The following GABRG1 variants were observed in gnomAD, a reference collection of about 807,000 sequenced individuals.
GABRG1 encodes gamma-aminobutyric acid type A receptor subunit gamma1.
Under a neutral mutation model 49.8 loss-of-function variants are expected in GABRG1, and 49 were observed. That is an observed-to-expected ratio of 0.98 (90% CI 0.78 to 1.25). The LOEUF (loss-of-function observed/expected upper bound fraction) is 1.25. GABRG1 is among the 50% of genes most tolerant of loss of function. The probability of loss-of-function intolerance (pLI) is 0.00; values close to 1 mark genes in which losing one functional copy is unlikely to be tolerated. For missense variants in GABRG1, 552 were observed against 552.3 expected, an observed-to-expected ratio of 1.00 and a Z score of 0.01; for synonymous variants, 232 against 185.1, an observed-to-expected ratio of 1.25 and a Z score of -2.06.
chr4:46,093,443 A>T (rs1000688762), intron 2 of GABRG1, among the ~76,000 whole-genome samples: 2 of 152,060 alleles, frequency 1.3e-5, no homozygotes, highest in Non-Finnish European at 2.9e-5. Context: ...AATGATGGTT[A>T]CCAGAGGGTA....
intron 2 of GABRG1, among the ~76,000 whole-genome samples, chr4:46,091,374 C>CT (rs1247658987): frequency 6.6e-6 from 1 of 152,026 alleles, no homozygotes; most frequent in Non-Finnish European, 1.5e-5. Context: ...ACCCTACTCG[C>CT]ATTCAACACA....
intron 2 of GABRG1, among the ~76,000 whole-genome samples, chr4:46,089,340 G>T (rs1719895367): frequency 6.6e-6 from 1 of 152,072 alleles, no homozygotes; most frequent in Admixed American, 6.6e-5. Context: ...GCCACTTGAT[G>T]TTACCCCAAA....
intron 5 of GABRG1, among the ~76,000 whole-genome samples, chr4:46,061,584 T>A (rs1319511732): frequency 6.6e-6 from 1 of 151,990 alleles, no homozygotes; most frequent in Non-Finnish European, 1.5e-5. Context: ...TAAAAATACA[T>A]GTGAGGATAT....
intron 1 of GABRG1, among the ~76,000 whole-genome samples, chr4:46,122,979 C>G (rs1043330873): frequency 1.3e-5 from 2 of 151,948 alleles, no homozygotes; most frequent in African/African-American, 2.4e-5. Context: ...TTTTATATGT[C>G]TACCAGAATG....
rs1189178666 is a variant in GABRG1, at chr4:46,051,406, T to C, written c.1131+18A>G. 1 of 1,545,022 alleles carries C rather than the reference T, an allele frequency of 6.5e-7. No homozygotes were observed. Among genetic ancestry groups the C allele is most frequent in the Admixed American group, 1.9e-5 (1 of 51,654 alleles). On this transcript the variant is annotated intron_variant, in intron 8 of 8. Transcript: ENST00000295452. ...TAAGTTGAGGTTTATAAAATAGAAA[T>C]TTTTCTTTTTAACATACCGAGGCTT...
chr4:46,113,132 C>T (rs897683147), intron 1 of GABRG1, among the ~76,000 whole-genome samples: 1 of 151,166 alleles, frequency 6.6e-6, no homozygotes, highest in East Asian at 2.0e-4. Context: ...AATTCCACAC[C>T]TCCTTGCCCG....
intron 1 of GABRG1, among the ~76,000 whole-genome samples, chr4:46,105,805 A>ATAGATAGT (rs1304902653): frequency 6.7e-6 from 1 of 149,512 alleles, no homozygotes; most frequent in Non-Finnish European, 1.5e-5. Flanking sequence ...AGATAGATAG[A>ATAGATAGT]TAGATAGATA....
intron 8 of GABRG1, among the ~76,000 whole-genome samples, chr4:46,051,022 C>T (rs1426172088): frequency 1.3e-5 from 2 of 151,684 alleles, no homozygotes; most frequent in Admixed American, 6.6e-5. Context: ...AAAAAAAGAA[C>T]GTTGTGGTCA....
intron 1 of GABRG1, among the ~76,000 whole-genome samples, chr4:46,111,789 C>G (rs191998178): frequency 3.3e-5 from 5 of 150,984 alleles, no homozygotes; most frequent in Non-Finnish European, 5.9e-5. Flanking sequence ...GCTAGCCATA[C>G]GAAGAAGACT....
chr4:46,094,812 G>T (rs1720114948), intron 2 of GABRG1, among the ~76,000 whole-genome samples: 1 of 151,802 alleles, frequency 6.6e-6, no homozygotes, highest in African/African-American at 2.4e-5. Flanking sequence ...ACATCAATAA[G>T]CTAAGATCTT....
chr4:46,080,736 A>G (rs10032509), intron 3 of GABRG1, among the ~76,000 whole-genome samples: 94,680 of 151,534 alleles, frequency 0.62, 31,272 homozygotes, highest in African/African-American at 0.84. Flanking sequence ...TTTATTTAAT[A>G]TATTCATGCA....
Position 46,040,971 on chromosome 4 carries a change from TGC to T in GABRG1, c.*15_*16del. The T allele has an allele frequency of 6.3e-7, 1 of 1,595,182 alleles. No homozygotes were observed. The highest frequency in any genetic ancestry group is 1.4e-5 in the African/African-American group (1 of 74,026). On this transcript the variant is annotated 3_prime_UTR_variant, in exon 9 of 9. Transcript: ENST00000295452. ...ATTTAGTCAGACTTCTTTTGATTTTTGCTTATGAAGTAGATTTTATAAGTAAA... is the reference window on the plus strand; with the variant it reads ...ATTTAGTCAGACTTCTTTTGATTTTTTTATGAAGTAGATTTTATAAGTAAA...
chr4:46,040,112 T>C lies in GABRG1; in HGVS notation c.*876A>G, dbSNP rs376925767. On this transcript the variant is annotated 3_prime_UTR_variant, in exon 9 of 9. Coordinates refer to ENST00000295452, the MANE Select transcript of GABRG1 (RefSeq NM_173536.4). ...TCCTCAATATTTTTATTTTAGGGAC[T>C]GCAACACTTTCATAAAACATAAAGA... 26 of 152,054 alleles carry C rather than the reference T, an allele frequency of 1.7e-4. No individual in the cohort carries two copies. The highest frequency in any genetic ancestry group is 5.8e-4 in the African/African-American group (24 of 41,566). The allele number at this position is 152,054 out of a possible 1,614,324, so 9.4% of individuals were successfully genotyped here.
Position 46,037,249 on chromosome 4 carries a change from C to G in GABRG1, c.*3739G>C, listed in dbSNP as rs186849352. Reference sequence around the variant, plus strand: ...ATATTTGAATGAGGTTACCTCACTTCCGAAATGCAAACACAAAAAGTCAGA... The same window carrying G: ...ATATTTGAATGAGGTTACCTCACTTGCGAAATGCAAACACAAAAAGTCAGA... On this transcript the variant is annotated 3_prime_UTR_variant, in exon 9 of 9. Transcript: ENST00000295452. The G allele has an allele frequency of 6.6e-6, 1 of 151,802 alleles. No individual in the cohort carries two copies. Among genetic ancestry groups the G allele is most frequent in the African/African-American group, 2.4e-5 (1 of 41,372 alleles). The allele number at this position is 151,802 out of a possible 1,614,324, so 9.4% of individuals were successfully genotyped here.
In GABRG1 at chr4:46,065,440, A is replaced by G; in HGVS notation, c.466T>C (p.Ser156Pro). ...PDTFFRNSRK[S>P]DAHWITTPNR... is the part of the protein sequence containing the mutation. Reference sequence around the variant, plus strand: ...GGAGTTGTTATCCAGTGAGCATCAGATTTTCTTGAGTTTCTGAAGAAAGTG... The same window carrying G: ...GGAGTTGTTATCCAGTGAGCATCAGGTTTTCTTGAGTTTCTGAAGAAAGTG... Residue 156 changes from serine to proline, a missense_variant, in exon 4 of 9, where the codon TCT becomes CCT. Coordinates refer to ENST00000295452, the MANE Select transcript of GABRG1 (RefSeq NM_173536.4). 6.2e-7 allele frequency: 1 copy of G among 1,613,328 alleles called. No homozygotes were observed. The highest frequency in any genetic ancestry group is 1.1e-5 in the South Asian group (1 of 91,032).
chr4:46,065,137 G>A (rs1718857994), intron 4 of GABRG1, among the ~76,000 whole-genome samples: 1 of 152,066 alleles, frequency 6.6e-6, no homozygotes, highest in African/African-American at 2.4e-5. Flanking sequence ...CTGCTTCAAA[G>A]GAAGAAAATC....
At position 46,103,248 on chromosome 4, in the gene GABRG1, G is replaced by C. The variant is rs141517984; in HGVS notation, c.105-5899C>G. Among the ~76,000 whole-genome samples the C allele has an allele frequency of 3.5e-3, 534 of 150,646 alleles. 5 individuals carry two copies. The highest frequency in any genetic ancestry group is 0.013 in the African/African-American group (514 of 41,096). On this transcript the variant is annotated intron_variant, in intron 1 of 8. Transcript: ENST00000295452. ...ATAGTGATAGACTATTTTCCCCACAGTGTGAAAAAAACATAATTGCAAGTG... is the reference window on the plus strand; with the variant it reads ...ATAGTGATAGACTATTTTCCCCACACTGTGAAAAAAACATAATTGCAAGTG...
intron 2 of GABRG1, among the ~76,000 whole-genome samples, chr4:46,096,779 T>C (rs1198778261): frequency 6.6e-6 from 1 of 151,594 alleles, no homozygotes; most frequent in African/African-American, 2.4e-5. Flanking sequence ...CAGGAACAAT[T>C]TGAGATTATT....
At chr4:46,090,758 G>A (rs1217389724) in intron 2 of GABRG1, among the ~76,000 whole-genome samples, 4 of 151,864 alleles carry the variant, frequency 2.6e-5, no homozygotes, top group African/African-American at 7.3e-5. Context: ...TGAAAATGAC[G>A]TGAGTTCTAC....
Sources: gnomAD v4.1 joint callset for allele counts (sites outside exome capture counted in the v4.1 genomes callset) on GRCh38, gnomAD v4.1.1 for gene constraint, MANE v1.5 for transcripts, NCBI Gene and HGNC (gene_info 2026-07-23, HGNC 2026-07-21) for gene names.